Variants in CHST9 observed in about 807,000 individuals in gnomAD.
CHST9 encodes the protein carbohydrate sulfotransferase 9.
CHST9 carries 41 observed loss-of-function variants against 44.4 expected under a neutral mutation model. The ratio of observed to expected loss-of-function variants is 0.92; its 90% CI spans 0.72 to 1.20. The LOEUF is 1.20. CHST9 is among the 50% of genes most tolerant of loss of function. The pLI is 0.00. For synonymous variants in CHST9, 171 were observed against 178.4 expected (o/e 0.96, Z 0.33); for missense variants, 504 against 516.5 (o/e 0.98, Z 0.23).
chr18:26,914,980 T>C lies in CHST9; in HGVS notation c.*1279A>G, dbSNP rs1010957077. ...TTCCCATCCAAAATGATCCCTTTTT[T>C]TTTCCCCAAGGGATCTAATTTAGGA... On this transcript the variant is annotated 3_prime_UTR_variant, in exon 6 of 6. Coordinates refer to ENST00000618847, the MANE Select transcript of CHST9 (RefSeq NM_031422.6). 2 of 397,930 alleles carry C rather than the reference T, an allele frequency of 5.0e-6. No homozygotes were observed. Among genetic ancestry groups the C allele is most frequent in the East Asian group, 7.1e-5 (2 of 28,014 alleles). The allele number at this position is 397,930 out of a possible 1,614,324, so 24.6% of individuals were successfully genotyped here.
At chr18:27,131,642 C>G (rs1039735494) in intron 2 of CHST9, among the ~76,000 whole-genome samples, 1 of 152,120 alleles carries the variant, frequency 6.6e-6, no homozygotes, top group Non-Finnish European at 1.5e-5. Flanking sequence ...CCTCCCCACC[C>G]CTTTTGGAGT....
chr18:27,164,490 T>C (rs1005739127), intron 1 of CHST9, among the ~76,000 whole-genome samples: 1 of 151,998 alleles, frequency 6.6e-6, no homozygotes, highest in Admixed American at 6.5e-5. Context: ...AGATTCAACA[T>C]CTAAGTAATA....
At chr18:27,022,628 T>A (rs746629012) in intron 4 of CHST9, among the ~76,000 whole-genome samples, 5 of 152,220 alleles carry the variant, frequency 3.3e-5, no homozygotes, top group Non-Finnish European at 7.3e-5. Context: ...GCAATACATG[T>A]GCTTTGATGT....
At chr18:27,060,421 A>T (rs565746074) in intron 2 of CHST9, among the ~76,000 whole-genome samples, 26 of 152,314 alleles carry the variant, frequency 1.7e-4, no homozygotes, top group African/African-American at 5.8e-4. Context: ...CTTCAGAAAA[A>T]GCAAGCCAGG....
rs1004705118 is a variant in CHST9, at chr18:27,024,432, G to C, written c.161-275C>G. 2.6e-5 allele frequency among the ~76,000 whole-genome samples: 4 copies of C among 152,268 alleles called. 1 individual carries two copies. The highest frequency in any genetic ancestry group is 6.5e-5 in the Admixed American group (1 of 15,288). On this transcript the variant is annotated intron_variant, in intron 3 of 5. Coordinates refer to ENST00000618847, the MANE Select transcript of CHST9 (RefSeq NM_031422.6). ...CTGTACTCTTTATGGCAGGGAAATGGAGCCAGGGACTGGGGGGTGGGTAGC... is the reference window on the plus strand; with the variant it reads ...CTGTACTCTTTATGGCAGGGAAATGCAGCCAGGGACTGGGGGGTGGGTAGC...
At chr18:27,089,471 C>CT (rs1252525242) in intron 2 of CHST9, among the ~76,000 whole-genome samples, 1 of 152,094 alleles carries the variant, frequency 6.6e-6, no homozygotes, top group Non-Finnish European at 1.5e-5. Context: ...AGAACTCATC[C>CT]TTTTTTATGG....
intron 1 of CHST9, among the ~76,000 whole-genome samples, chr18:27,156,052 A>G (rs570502497): frequency 1.3e-5 from 2 of 152,198 alleles, no homozygotes; most frequent in South Asian, 4.2e-4. Context: ...GAGATAGGAT[A>G]TTATCACACA....
intron 1 of CHST9, among the ~76,000 whole-genome samples, chr18:27,150,417 C>T (rs1459978478): frequency 6.6e-6 from 1 of 152,196 alleles, no homozygotes; most frequent in Admixed American, 6.6e-5. Context: ...TTCTTTCTCA[C>T]TGGGGCATAG....
chr18:26,968,769 T>A (rs1270429453), intron 4 of CHST9, among the ~76,000 whole-genome samples: 1 of 152,190 alleles, frequency 6.6e-6, no homozygotes, highest in Non-Finnish European at 1.5e-5. Flanking sequence ...ATTTCTTACC[T>A]TATGGTTAAA....
At chr18:27,116,616 T>C (rs1331157777) in intron 2 of CHST9, among the ~76,000 whole-genome samples, 1 of 152,206 alleles carries the variant, frequency 6.6e-6, no homozygotes, top group Non-Finnish European at 1.5e-5. Context: ...ACTCAGCTTA[T>C]CAATTTTGGC....
At chr18:27,151,036 A>G (rs2058655283) in intron 1 of CHST9, among the ~76,000 whole-genome samples, 1 of 152,160 alleles carries the variant, frequency 6.6e-6, no homozygotes. Flanking sequence ...GTTTATTTAA[A>G]GGGAAAGAAA....
chr18:27,049,069 T>C (rs1598670941), intron 2 of CHST9, among the ~76,000 whole-genome samples: 1 of 152,106 alleles, frequency 6.6e-6, no homozygotes, highest in East Asian at 1.9e-4. Flanking sequence ...GGAAACAGTA[T>C]GGGCTAAATG....
At chr18:27,161,017 CT>C (rs1278236592) in intron 1 of CHST9, among the ~76,000 whole-genome samples, 1 of 152,042 alleles carries the variant, frequency 6.6e-6, no homozygotes, top group Non-Finnish European at 1.5e-5. Context: ...CTTTATTAGT[CT>C]TGCTAGCCGT....
At chr18:26,953,829 C>T (rs1034389757) in intron 4 of CHST9, among the ~76,000 whole-genome samples, 2 of 152,140 alleles carry the variant, frequency 1.3e-5, no homozygotes, top group Non-Finnish European at 2.9e-5. Context: ...CTCTGTTCTC[C>T]CCTTTTCCAT....
intron 2 of CHST9, among the ~76,000 whole-genome samples, chr18:27,114,874 A>T (rs974569651): frequency 3.3e-5 from 5 of 152,120 alleles, no homozygotes; most frequent in Non-Finnish European, 5.9e-5. Context: ...TACTGATGTG[A>T]TTTGGCTGTG....
At chr18:27,164,274 C>CA (rs1180346518) in intron 1 of CHST9, among the ~76,000 whole-genome samples, 1 of 135,586 alleles carries the variant, frequency 7.4e-6, no homozygotes, top group Non-Finnish European at 1.6e-5. Context: ...TTGGTTCCAC[C>CA]AAAAAAGGAA....
At chr18:27,055,957 T>TGC (rs1028628793) in intron 2 of CHST9, among the ~76,000 whole-genome samples, 2 of 150,256 alleles carry the variant, frequency 1.3e-5, no homozygotes, top group South Asian at 2.1e-4. Flanking sequence ...TGTGTGTGTG[T>TGC]GTGTGTATAC....
intron 2 of CHST9, among the ~76,000 whole-genome samples, chr18:27,071,111 T>A (rs2057834968): frequency 6.6e-6 from 1 of 152,182 alleles, no homozygotes; most frequent in African/African-American, 2.4e-5. Flanking sequence ...TCCACCCTGG[T>A]GGCCTCTTGG....
At chr18:27,180,434 T>C (rs908400475) in intron 1 of CHST9, among the ~76,000 whole-genome samples, 1 of 151,986 alleles carries the variant, frequency 6.6e-6, no homozygotes, top group Non-Finnish European at 1.5e-5. Flanking sequence ...GAGGACAGAG[T>C]CTGAGAGGGT....
Sources: allele counts gnomAD v4.1 joint callset (sites outside exome capture counted in the v4.1 genomes callset), GRCh38; gene constraint gnomAD v4.1.1; transcripts MANE v1.5; gene names NCBI Gene and HGNC (gene_info 2026-07-23, HGNC 2026-07-21).